Variants in PRKN observed in about 807,000 individuals in gnomAD.
The protein encoded by PRKN is E3 ubiquitin-protein ligase parkin.
A neutral mutation model predicts 59.5 loss-of-function variants in PRKN; 56 were observed. The observed-to-expected ratio is 0.94, with a 90% CI of 0.76 to 1.18. PRKN has a LOEUF of 1.18. PRKN is among the 50% of genes most tolerant of loss of function. The pLI is 0.00. For missense variants in PRKN, 657 were observed against 596.4 expected (o/e 1.10, Z -1.06); for synonymous variants, 250 against 222.1 (o/e 1.13, Z -1.12).
chr6:162,103,641 G>T (rs1481281140), intron 4 of PRKN, among the ~76,000 whole-genome samples: 1 of 151,918 alleles, frequency 6.6e-6, no homozygotes, highest in Non-Finnish European at 1.5e-5. Context: ...AAAAATAGAG[G>T]ATGATATCAG....
chr6:162,113,870 C>T (rs1339523768), intron 4 of PRKN, among the ~76,000 whole-genome samples: 1 of 151,988 alleles, frequency 6.6e-6, no homozygotes, highest in African/African-American at 2.4e-5. Context: ...AGTCTTTAAT[C>T]CATCTTGAAT....
chr6:161,368,297 T>TTGTGTATATATTTATATATATTTG (rs1185057487), intron 10 of PRKN, among the ~76,000 whole-genome samples: 1 of 140,048 alleles, frequency 7.1e-6, no homozygotes, highest in African/African-American at 2.7e-5. Flanking sequence ...TTATATATAT[T>TTGTGTATATATTTATATATATTTG]TATATATATT....
intron 9 of PRKN, among the ~76,000 whole-genome samples, chr6:161,494,466 C>A (rs1305917178): frequency 6.6e-6 from 1 of 152,232 alleles, no homozygotes; most frequent in African/African-American, 2.4e-5. Context: ...GTGTTACTTA[C>A]ATTCTGCATT....
rs189311901 is a variant in PRKN, at chr6:161,979,226, G to C, written c.619-5809C>G. Among the ~76,000 whole-genome samples, 4 of 151,910 alleles carry C rather than the reference G, an allele frequency of 2.6e-5. No individual in the cohort carries two copies. In the East Asian group the frequency reaches 7.7e-4, roughly 29 times the overall value. ...TGAAAAAAATAAGGCTTTAGAAAAT[G>C]TGCTTGGCTTTATATTGTGACACTG... is the stretch of plus-strand genomic sequence containing the variant. On this transcript the variant is annotated intron_variant, in intron 5 of 11. Coordinates refer to ENST00000366898, the MANE Select transcript of PRKN (RefSeq NM_004562.3).
chr6:161,886,067 C>T (rs899284788), intron 6 of PRKN, among the ~76,000 whole-genome samples: 9 of 151,904 alleles, frequency 5.9e-5, no homozygotes, highest in Non-Finnish European at 1.0e-4. Flanking sequence ...AAAGAAGCTG[C>T]GAAAATAAAA....
rs193042039 is a variant in PRKN at position 161,645,858 on chromosome 6, G to A, written c.872-76442C>T. On this transcript the variant is annotated intron_variant, in intron 7 of 11. Coordinates refer to ENST00000366898, the MANE Select transcript of PRKN (RefSeq NM_004562.3). ...CAGTCTTGAAAAGGGAAATAAGTTA[G>A]AAAAGGCCGCTGTCTCAGCCATGCC... 2.3e-3 allele frequency among the ~76,000 whole-genome samples: 356 copies of A among 152,396 alleles called. 2 individuals carry two copies. The highest frequency in any genetic ancestry group is 3.5e-3 in the Non-Finnish European group (237 of 68,044).
At chr6:162,246,702 G>A (rs553507097) in intron 3 of PRKN, among the ~76,000 whole-genome samples, 3 of 152,230 alleles carry the variant, frequency 2.0e-5, no homozygotes, top group Admixed American at 6.5e-5. Flanking sequence ...ATTTTAACAG[G>A]TTGGGGTTTG....
At chr6:162,325,438 T>C (rs1422477628) in intron 2 of PRKN, among the ~76,000 whole-genome samples, 1 of 152,172 alleles carries the variant, frequency 6.6e-6, no homozygotes, top group African/African-American at 2.4e-5. Context: ...AAAATGTCAA[T>C]GGCTCACTAG....
intron 1 of PRKN, among the ~76,000 whole-genome samples, chr6:162,461,155 CTA>C: frequency 6.6e-6 from 1 of 151,036 alleles, no homozygotes; most frequent in African/African-American, 2.4e-5. Flanking sequence ...ATGATACATG[CTA>C]TATTAGGGCT....
At chr6:162,095,005 C>G (rs996854784) in intron 4 of PRKN, among the ~76,000 whole-genome samples, 1 of 152,070 alleles carries the variant, frequency 6.6e-6, no homozygotes, top group Non-Finnish European at 1.5e-5. Context: ...GGTACATGGA[C>G]AGTCACACAG....
Position 161,475,889 on chromosome 6 carries a change from A to C in PRKN, c.1083+72965T>G, listed in dbSNP as rs925083619. On this transcript the variant is annotated intron_variant, in intron 9 of 11. Transcript: ENST00000366898. The surrounding 1 kb of genome is among the most constrained non-coding windows in gnomAD (Gnocchi z 5.3). ...ATCTTATATATTTTATATATTTAAA[A>C]ATATTATTCAAGATAGGCTGGTCGC... Among the ~76,000 whole-genome samples, 12 of 152,158 alleles carry C rather than the reference A, an allele frequency of 7.9e-5. No homozygotes were observed. Among genetic ancestry groups the C allele is most frequent in the African/African-American group, 2.9e-4 (12 of 41,560 alleles).
intron 5 of PRKN, among the ~76,000 whole-genome samples, chr6:162,042,571 G>A (rs566393350): frequency 6.6e-6 from 1 of 152,030 alleles, no homozygotes; most frequent in Admixed American, 6.5e-5. Context: ...TTATAGGCAT[G>A]GTCCACTGTG....
chr6:162,355,713 T>TAA (rs563025533), intron 2 of PRKN, among the ~76,000 whole-genome samples: 6,426 of 145,666 alleles, frequency 0.044, 196 homozygotes, highest in Middle Eastern at 0.087. Context: ...TGAACCAAAT[T>TAA]AAAAAAAAAA....
chr6:162,168,882 A>T (rs1783118879), intron 4 of PRKN, among the ~76,000 whole-genome samples: 1 of 152,186 alleles, frequency 6.6e-6, no homozygotes, highest in Non-Finnish European at 1.5e-5. Flanking sequence ...GAGTATATGT[A>T]CACCCACAGA....
chr6:162,337,815 T>C lies in PRKN; in HGVS notation c.172-75050A>G, dbSNP rs573194941. On this transcript the variant is annotated intron_variant, in intron 2 of 11. Transcript: ENST00000366898. ...GAAACAGATGAATACAAAAGTACGC[T>C]GAAGAGACTGATGTTAAATGGAATG... is the stretch of plus-strand genomic sequence containing the variant. Among the ~76,000 whole-genome samples, 50 of 152,222 alleles carry C rather than the reference T, an allele frequency of 3.3e-4. 1 individual carries two copies. The highest frequency in any genetic ancestry group is 1.2e-3 in the African/African-American group (49 of 41,544).
At chr6:162,539,290 T>C (rs1455532744) in intron 1 of PRKN, among the ~76,000 whole-genome samples, 1 of 152,168 alleles carries the variant, frequency 6.6e-6, no homozygotes, top group Non-Finnish European at 1.5e-5. Context: ...TGGGATGCTA[T>C]AATTTTCATC....
intron 4 of PRKN, among the ~76,000 whole-genome samples, chr6:162,115,148 T>C (rs1248428542): frequency 6.6e-6 from 1 of 152,056 alleles, no homozygotes; most frequent in African/African-American, 2.4e-5. Flanking sequence ...ATATACACCA[T>C]GGAATACTAT....
At chr6:162,000,436 T>C (rs1782009211) in intron 5 of PRKN, among the ~76,000 whole-genome samples, 1 of 152,132 alleles carries the variant, frequency 6.6e-6, no homozygotes, top group Non-Finnish European at 1.5e-5. Context: ...TATGCTTACT[T>C]GCCATGTTTA....
intron 7 of PRKN, among the ~76,000 whole-genome samples, chr6:161,682,332 G>T (rs1785397488): frequency 6.6e-6 from 1 of 152,314 alleles, no homozygotes; most frequent in East Asian, 1.9e-4. Flanking sequence ...ATGCTGAGAT[G>T]GAATTTGCTG....
Sources: gnomAD v4.1 joint callset for allele counts (sites outside exome capture counted in the v4.1 genomes callset) on GRCh38, gnomAD v4.1.1 for gene constraint, Gnocchi (gnomAD v3.1) non-coding constraint, MANE v1.5 for transcripts, NCBI Gene and HGNC (gene_info 2026-07-23, HGNC 2026-07-21) for gene names.